DLGAP2: variants seen among roughly 807,000 people sequenced by gnomAD.
The protein encoded by DLGAP2 is disks large-associated protein 2.
In DLGAP2, 26 loss-of-function variants were observed where a neutral mutation model predicts 100.3. The observed-to-expected ratio is 0.26, with a 90% CI of 0.19 to 0.36. The LOEUF is 0.36. Ranked by LOEUF, DLGAP2 falls within the 10% of genes least tolerant of loss-of-function variation. The pLI is 1.00. For missense variants in DLGAP2, 1,858 were observed against 1,453.2 expected, an observed-to-expected ratio of 1.28 and a Z score of -4.53; for synonymous variants, 886 against 630.1, an observed-to-expected ratio of 1.41 and a Z score of -6.08.
chr8:813,372 C>G (rs1270002505), intron 1 of DLGAP2, among the ~76,000 whole-genome samples: 1 of 151,780 alleles, frequency 6.6e-6, no homozygotes, highest in African/African-American at 2.4e-5. Context: ...CATATAAACA[C>G]TTGTATTTTG....
chr8:1,331,926 C>A (rs889004202), intron 3 of DLGAP2, among the ~76,000 whole-genome samples: 1 of 152,134 alleles, frequency 6.6e-6, no homozygotes, highest in Non-Finnish European at 1.5e-5. Flanking sequence ...AGCAAACAAT[C>A]CCTAGGGAGC....
intron 2 of DLGAP2, among the ~76,000 whole-genome samples, chr8:1,030,822 C>T (rs7460592): frequency 0.26 from 39,351 of 151,982 alleles, 5,522 homozygotes; most frequent in African/African-American, 0.36. Context: ...AGGCAGCCAG[C>T]GGGGCCGCGG....
intron 3 of DLGAP2, among the ~76,000 whole-genome samples, chr8:1,372,528 G>A (rs954088820): frequency 6.6e-6 from 1 of 152,098 alleles, no homozygotes; most frequent in African/African-American, 2.4e-5. Context: ...CATGGGCACC[G>A]TCTTGTGTAT....
At chr8:1,127,783 A>G (rs958797001) in intron 2 of DLGAP2, among the ~76,000 whole-genome samples, 1 of 152,190 alleles carries the variant, frequency 6.6e-6, no homozygotes, top group African/African-American at 2.4e-5. Flanking sequence ...TTCTGTTGTA[A>G]CTGGATGTGA....
intron 2 of DLGAP2, among the ~76,000 whole-genome samples, chr8:1,166,560 G>A (rs1449463869): frequency 6.6e-6 from 1 of 152,134 alleles, no homozygotes; most frequent in Non-Finnish European, 1.5e-5. Flanking sequence ...GAACATTCAT[G>A]AGAAATATCC....
At chr8:799,037 G>A (rs1796094598) in intron 1 of DLGAP2, among the ~76,000 whole-genome samples, 1 of 152,238 alleles carries the variant, frequency 6.6e-6, no homozygotes, top group African/African-American at 2.4e-5. Flanking sequence ...TATGACACAT[G>A]TTGGGATTAA....
At chr8:1,189,678 G>A (rs996312023) in intron 2 of DLGAP2, among the ~76,000 whole-genome samples, 28 of 152,320 alleles carry the variant, frequency 1.8e-4, no homozygotes, top group Middle Eastern at 3.4e-3. Flanking sequence ...TGACAGGGCC[G>A]AGTTTTCCCC....
chr8:1,022,597 G>A (rs540830074), intron 2 of DLGAP2, among the ~76,000 whole-genome samples: 1 of 141,112 alleles, frequency 7.1e-6, no homozygotes, highest in African/African-American at 2.7e-5. Flanking sequence ...ATCCTCCCTG[G>A]GAGTGGACAC....
At chr8:1,205,353 A>T (rs1797968067) in intron 2 of DLGAP2, among the ~76,000 whole-genome samples, 1 of 152,000 alleles carries the variant, frequency 6.6e-6, no homozygotes, top group East Asian at 1.9e-4. Flanking sequence ...GCTATTTGAG[A>T]AAAGGAAGGG....
intron 3 of DLGAP2, among the ~76,000 whole-genome samples, chr8:1,445,971 A>G (rs1222378367): frequency 6.6e-6 from 1 of 151,962 alleles, no homozygotes; most frequent in South Asian, 2.1e-4. Context: ...GTTTGAGTTC[A>G]TTGTAGATTC....
At chr8:1,230,010 A>G (rs1231466480) in intron 2 of DLGAP2, among the ~76,000 whole-genome samples, 1 of 152,158 alleles carries the variant, frequency 6.6e-6, no homozygotes, top group Non-Finnish European at 1.5e-5. Context: ...AGTGCTGGCC[A>G]GAACAATCAG....
intron 3 of DLGAP2, among the ~76,000 whole-genome samples, chr8:1,276,724 A>G (rs1243583349): frequency 1.3e-5 from 2 of 151,940 alleles, no homozygotes; most frequent in African/African-American, 4.8e-5. Context: ...TATTGGCCAA[A>G]TGTCTTGGTT....
chr8:1,321,609 A>C (rs921939416), intron 3 of DLGAP2, among the ~76,000 whole-genome samples: 1 of 152,196 alleles, frequency 6.6e-6, no homozygotes, highest in African/African-American at 2.4e-5. Flanking sequence ...CTTTTACATC[A>C]GGATACTTTT....
chr8:862,986 C>T (rs1797421439), intron 1 of DLGAP2, among the ~76,000 whole-genome samples: 2 of 152,202 alleles, frequency 1.3e-5, no homozygotes, highest in Non-Finnish European at 2.9e-5. Flanking sequence ...TTGTGTCTCT[C>T]TCCAGAAATA....
At chr8:1,082,572 T>C (rs6559214) in intron 2 of DLGAP2, among the ~76,000 whole-genome samples, 140,940 of 152,236 alleles carry the variant, frequency 0.93, 65,688 homozygotes, top group Non-Finnish European at 0.97. Context: ...ACATTTGGTG[T>C]GAGCAGGGCT....
intron 2 of DLGAP2, among the ~76,000 whole-genome samples, chr8:1,018,018 G>A (rs899851154): frequency 3.3e-5 from 5 of 152,186 alleles, no homozygotes; most frequent in Admixed American, 1.3e-4. Flanking sequence ...ATCCCTTTGT[G>A]GAAAGCGCTC....
intron 3 of DLGAP2, among the ~76,000 whole-genome samples, chr8:1,425,388 C>T (rs1797210236): frequency 6.6e-6 from 1 of 152,190 alleles, no homozygotes; most frequent in South Asian, 2.1e-4. Context: ...CCAGGTACAA[C>T]ATTAGCTTTG....
At chr8:1,142,670 T>C (rs986360520) in intron 2 of DLGAP2, among the ~76,000 whole-genome samples, 11 of 151,998 alleles carry the variant, frequency 7.2e-5, no homozygotes, top group African/African-American at 2.7e-4. Flanking sequence ...AGCTGTTCCG[T>C]TGGCCGTTGG....
chr8:1,508,734 G>C (rs920638785), intron 4 of DLGAP2, among the ~76,000 whole-genome samples: 11 of 150,892 alleles, frequency 7.3e-5, no homozygotes, highest in Admixed American at 6.6e-5. Flanking sequence ...AATGAACCCA[G>C]TGCCCGCAGG....
Sources: gnomAD v4.1 joint callset for allele counts (sites outside exome capture counted in the v4.1 genomes callset) on GRCh38, gnomAD v4.1.1 for gene constraint, MANE v1.5 for transcripts, NCBI Gene and HGNC (gene_info 2026-07-23, HGNC 2026-07-21) for gene names.